Variants in SBF2 observed in about 807,000 individuals in gnomAD.
The protein encoded by SBF2 is myotubularin-related protein 13.
In SBF2, 112 loss-of-function variants were observed where a neutral mutation model predicts 225.2. The ratio of observed to expected loss-of-function variants is 0.50; its 90% CI spans 0.43 to 0.58. The LOEUF is 0.58. SBF2 is among the 20% of genes least tolerant of loss of function. The pLI is 0.00. For synonymous variants in SBF2, 763 were observed against 773.3 expected (o/e 0.99, Z 0.22); for missense variants, 1,996 against 2,206.2 (o/e 0.90, Z 1.91).
At chr11:10,136,689 G>A (rs936973225) in intron 2 of SBF2, among the ~76,000 whole-genome samples, 8 of 152,152 alleles carry the variant, frequency 5.3e-5, no homozygotes, top group Admixed American at 3.3e-4. Flanking sequence ...GGGAATTCTA[G>A]GTAATTAATG....
upstream of SBF2, among the ~76,000 whole-genome samples, chr11:10,298,249 G>A (rs1472401694): frequency 1.3e-5 from 2 of 152,102 alleles, no homozygotes; most frequent in African/African-American, 2.4e-5. Flanking sequence ...AAATTAGCTG[G>A]GCATGGTGGC....
intron 17 of SBF2, among the ~76,000 whole-genome samples, chr11:9,875,797 T>C (rs1162024199): frequency 5.3e-5 from 8 of 152,138 alleles, no homozygotes; most frequent in African/African-American, 1.9e-4. Flanking sequence ...CAAAATAGAT[T>C]TTTCTGCCTA....
chr11:10,186,521 G>T (rs954983982), intron 2 of SBF2, among the ~76,000 whole-genome samples: 2 of 152,144 alleles, frequency 1.3e-5, no homozygotes, highest in African/African-American at 4.8e-5. Flanking sequence ...GACAGAGTAT[G>T]TAAGATCCTG....
chr11:9,829,567 T>G, intron 27 of SBF2, 71 bp from the exon 28 acceptor site: 1 of 1,275,832 alleles, frequency 7.8e-7, no homozygotes, highest in South Asian at 1.2e-5. Flanking sequence ...TATCTATCTA[T>G]CTATCTACCT....
chr11:10,296,042 C>T (rs1252651826), upstream of SBF2, among the ~76,000 whole-genome samples: 1 of 152,174 alleles, frequency 6.6e-6, no homozygotes, highest in African/African-American at 2.4e-5. Flanking sequence ...CAGTCATTCT[C>T]ATTCTCCCCT....
At position 10,049,794 on chromosome 11, in the gene SBF2, AG is replaced by A. The variant is rs551101630; in HGVS notation, c.142-6814del. Among the ~76,000 whole-genome samples the A allele has an allele frequency of 4.6e-5, 7 of 152,314 alleles. No homozygotes were observed. The East Asian group carries it at 7.7e-4, about 17-fold the overall frequency. On this transcript the variant is annotated intron_variant, in intron 2 of 39. Coordinates refer to ENST00000256190, the MANE Select transcript of SBF2 (RefSeq NM_030962.4). ...CCTTGGCTTAAACTACTTGGGTAGC[AG>A]AACGGTATAATCCTTGGTAGAACTG...
chr11:9,827,157 G>A (rs1855119345), intron 28 of SBF2, among the ~76,000 whole-genome samples: 1 of 152,030 alleles, frequency 6.6e-6, no homozygotes, highest in Non-Finnish European at 1.5e-5. Flanking sequence ...TCTTTTTAAG[G>A]GAATTCATCA....
At chr11:10,014,413 T>G (rs1948566073) in intron 6 of SBF2, among the ~76,000 whole-genome samples, 1 of 149,806 alleles carries the variant, frequency 6.7e-6, no homozygotes, top group African/African-American at 2.5e-5. Context: ...CCACTGAGAA[T>G]GCTGGAACCT....
intron 2 of SBF2, among the ~76,000 whole-genome samples, chr11:10,170,620 G>C (rs1356661653): frequency 6.6e-6 from 1 of 151,550 alleles, no homozygotes; most frequent in Non-Finnish European, 1.5e-5. Context: ...GGATAGCTTT[G>C]GCTATTCTGG....
chr11:10,208,239 C>T (rs1006565671), intron 1 of SBF2, among the ~76,000 whole-genome samples: 2 of 152,080 alleles, frequency 1.3e-5, no homozygotes, highest in African/African-American at 2.4e-5. Context: ...GAAATACATA[C>T]ATCTACCACT....
chr11:10,153,897 C>T (rs183417796), intron 2 of SBF2, among the ~76,000 whole-genome samples: 1 of 152,158 alleles, frequency 6.6e-6, no homozygotes, highest in Admixed American at 6.5e-5. Flanking sequence ...TTCAGTTATT[C>T]TGCACCATTT....
At chr11:10,013,254 C>T (rs1948523493) in intron 6 of SBF2, among the ~76,000 whole-genome samples, 1 of 152,150 alleles carries the variant, frequency 6.6e-6, no homozygotes, top group Non-Finnish European at 1.5e-5. Context: ...GGTTTCAATA[C>T]TTTTACCGAT....
chr11:10,102,854 C>T (rs1158023495), intron 2 of SBF2, among the ~76,000 whole-genome samples: 3 of 152,078 alleles, frequency 2.0e-5, no homozygotes, highest in African/African-American at 7.2e-5. Context: ...AAAATCTTAC[C>T]TTATGGTAAA....
intron 28 of SBF2, among the ~76,000 whole-genome samples, chr11:9,822,013 T>C (rs975176004): frequency 6.6e-6 from 1 of 152,310 alleles, no homozygotes; most frequent in Non-Finnish European, 1.5e-5. Context: ...AGCAGAGTAT[T>C]AGGCAATGGC....
chr11:10,159,991 C>A (rs1195855316), intron 2 of SBF2, among the ~76,000 whole-genome samples: 1 of 152,132 alleles, frequency 6.6e-6, no homozygotes, highest in African/African-American at 2.4e-5. Flanking sequence ...ATTGCACTTT[C>A]TCTATTGCAA....
intron 17 of SBF2, among the ~76,000 whole-genome samples, chr11:9,860,893 TC>T (rs1857680966): frequency 6.6e-6 from 1 of 152,190 alleles, no homozygotes; most frequent in African/African-American, 2.4e-5. Flanking sequence ...TAATTAAACA[TC>T]TTTTATTAAA....
intron 16 of SBF2, chr11:9,959,874 T>C (rs1367157126): frequency 2.2e-6 from 1 of 461,922 alleles, no homozygotes; most frequent in East Asian, 5.0e-5. Context: ...GAGGCCACTG[T>C]GCGCTCAGAA....
chr11:10,147,215 TG>T (rs1275776144), intron 2 of SBF2, among the ~76,000 whole-genome samples: 1 of 152,174 alleles, frequency 6.6e-6, no homozygotes, highest in Non-Finnish European at 1.5e-5. Context: ...ATCCCATTAG[TG>T]GGTATATACC....
At chr11:10,060,267 C>T (rs1320535233) in intron 2 of SBF2, among the ~76,000 whole-genome samples, 3 of 152,104 alleles carry the variant, frequency 2.0e-5, no homozygotes, top group Non-Finnish European at 4.4e-5. Flanking sequence ...CACACAAAAA[C>T]TAGAAAACCT....
Sources: gnomAD v4.1 joint callset for allele counts (sites outside exome capture counted in the v4.1 genomes callset) on GRCh38, gnomAD v4.1.1 for gene constraint, MANE v1.5 for transcripts, NCBI Gene and HGNC (gene_info 2026-07-23, HGNC 2026-07-21) for gene names.